SHISA9: variants seen among roughly 807,000 people sequenced by gnomAD.
SHISA9 encodes the protein shisa family member 9.
Under a neutral mutation model 38.0 loss-of-function variants are expected in SHISA9, and 13 were observed. The ratio of observed to expected loss-of-function variants is 0.34; its 90% confidence interval spans 0.22 to 0.54. SHISA9 has a LOEUF of 0.54. Ranked by LOEUF, SHISA9 falls within the 20% of genes least tolerant of loss-of-function variation. The pLI is 0.91. For synonymous variants in SHISA9, 275 were observed against 242.0 expected, an observed-to-expected ratio of 1.14 and a Z score of -1.27; for missense variants, 538 against 575.8, an observed-to-expected ratio of 0.93 and a Z score of 0.67.
chr16:13,481,543 A>G, the SHISA9 span, among the ~76,000 whole-genome samples: 1 of 152,134 alleles, frequency 6.6e-6, no homozygotes, highest in African/African-American at 2.4e-5. Context: ...TCTCCGTCTC[A>G]CATTCACACG....
intron 2 of SHISA9, among the ~76,000 whole-genome samples, chr16:13,056,262 G>A (rs2073309795): frequency 6.6e-6 from 1 of 152,226 alleles, no homozygotes; most frequent in South Asian, 2.1e-4. Context: ...AAGTGTGCTG[G>A]GGGTGTATAC....
intron 2 of SHISA9, among the ~76,000 whole-genome samples, chr16:13,141,835 T>G (rs1292809407): frequency 6.6e-6 from 1 of 152,200 alleles, no homozygotes; most frequent in African/African-American, 2.4e-5. Flanking sequence ...AATAAGGAAA[T>G]AGGCAAGTCA....
At chr16:13,369,342 G>T in the SHISA9 span, among the ~76,000 whole-genome samples, 1 of 152,056 alleles carries the variant, frequency 6.6e-6, no homozygotes, top group East Asian at 1.9e-4. Flanking sequence ...ATTAACATGT[G>T]TTCAGTCTAG....
the SHISA9 span, among the ~76,000 whole-genome samples, chr16:13,411,335 A>C: frequency 3.4e-3 from 514 of 152,368 alleles, 2 homozygotes; most frequent in African/African-American, 0.011. Flanking sequence ...CTCTGCCACT[A>C]TCCAGGTGTG....
chr16:13,554,646 C>T, the SHISA9 span, among the ~76,000 whole-genome samples: 1 of 151,964 alleles, frequency 6.6e-6, no homozygotes. Context: ...CATGTGCCAC[C>T]ACACCTAGCT....
At chr16:13,445,576 C>G in the SHISA9 span, among the ~76,000 whole-genome samples, 3 of 152,136 alleles carry the variant, frequency 2.0e-5, no homozygotes, top group Admixed American at 1.3e-4. Context: ...GTTCACTACC[C>G]TTTCCTTTGA....
chr16:13,070,656 GCTAACAC>G (rs1355807471), intron 2 of SHISA9, among the ~76,000 whole-genome samples: 1 of 152,206 alleles, frequency 6.6e-6, no homozygotes, highest in Non-Finnish European at 1.5e-5. Context: ...GACAATCATA[GCTAACAC>G]CTATATGTCA....
chr16:13,080,686 C>T (rs554702372), intron 2 of SHISA9, among the ~76,000 whole-genome samples: 1 of 152,324 alleles, frequency 6.6e-6, no homozygotes, highest in East Asian at 1.9e-4. Flanking sequence ...GTGAATAATG[C>T]TTTGCAGTGA....
At chr16:12,954,584 C>T (rs570552185) in intron 2 of SHISA9, among the ~76,000 whole-genome samples, 1 of 152,298 alleles carries the variant, frequency 6.6e-6, no homozygotes, top group South Asian at 2.1e-4. Flanking sequence ...GGTTCTTAGA[C>T]ATTTTAATGA....
At chr16:13,001,835 T>C (rs2072529646) in intron 2 of SHISA9, among the ~76,000 whole-genome samples, 1 of 152,098 alleles carries the variant, frequency 6.6e-6, no homozygotes, top group South Asian at 2.1e-4. Context: ...TTGAAATGCA[T>C]AAAAAATCAA....
the SHISA9 span, among the ~76,000 whole-genome samples, chr16:13,512,515 A>G: frequency 6.6e-6 from 1 of 152,198 alleles, no homozygotes; most frequent in Non-Finnish European, 1.5e-5. Flanking sequence ...TTTAAATTTC[A>G]TATGGAACCA....
chr16:13,030,869 A>G (rs1011904107), intron 2 of SHISA9, among the ~76,000 whole-genome samples: 1 of 152,224 alleles, frequency 6.6e-6, no homozygotes, highest in African/African-American at 2.4e-5. Context: ...CTTCATGGCC[A>G]AAACGTGTGC....
intron 2 of SHISA9, among the ~76,000 whole-genome samples, chr16:13,031,042 G>A (rs147350081): frequency 1.3e-5 from 2 of 152,268 alleles, no homozygotes; most frequent in African/African-American, 2.4e-5. Context: ...TCTTCCAGCC[G>A]TTTATATGTC....
At chr16:13,484,868 A>G in the SHISA9 span, among the ~76,000 whole-genome samples, 1 of 152,138 alleles carries the variant, frequency 6.6e-6, no homozygotes, top group African/African-American at 2.4e-5. Context: ...GTCCACTCCC[A>G]TGATCCAATC....
the SHISA9 span, among the ~76,000 whole-genome samples, chr16:13,262,753 G>A: frequency 5.9e-5 from 9 of 151,698 alleles, no homozygotes; most frequent in African/African-American, 2.2e-4. Context: ...GAAAACAGAT[G>A]TTAGCTACTC....
At chr16:13,313,052 G>A in the SHISA9 span, among the ~76,000 whole-genome samples, 4 of 151,140 alleles carry the variant, frequency 2.6e-5, no homozygotes, top group African/African-American at 7.3e-5. Context: ...TCAGGAGTTC[G>A]AGACCATCCC....
intron 2 of SHISA9, among the ~76,000 whole-genome samples, chr16:13,043,239 G>T (rs1501312): frequency 0.6 from 90,177 of 151,536 alleles, 27,831 homozygotes; most frequent in Middle Eastern, 0.73. Flanking sequence ...CCCGTGGGAG[G>T]TCTCAACAGG....
At chr16:13,537,978 A>G in the SHISA9 span, among the ~76,000 whole-genome samples, 3 of 152,186 alleles carry the variant, frequency 2.0e-5, no homozygotes, top group African/African-American at 4.8e-5. Flanking sequence ...TTTGTATTTA[A>G]TTTTGATGAT....
intron 2 of SHISA9, among the ~76,000 whole-genome samples, chr16:13,081,539 T>A (rs79142091): frequency 6.9e-6 from 1 of 143,978 alleles, no homozygotes; most frequent in African/African-American, 2.6e-5. Context: ...CTTCAAGGTA[T>A]TTTTTTTTTT....
Sources: allele counts gnomAD v4.1 joint callset (sites outside exome capture counted in the v4.1 genomes callset), GRCh38; gene constraint gnomAD v4.1.1; transcripts MANE v1.5; gene names NCBI Gene and HGNC (gene_info 2026-07-23, HGNC 2026-07-21).